Variants in CDK19 observed in about 807,000 individuals in gnomAD.
CDK19 encodes the protein cyclin dependent kinase 19, also known as cyclin-dependent kinase 19.
A neutral mutation model predicts 68.3 loss-of-function variants in CDK19; 20 were observed. The observed-to-expected ratio is 0.29, with a 90% CI of 0.21 to 0.43. The LOEUF (loss-of-function observed/expected upper bound fraction) is 0.43. Ranked by LOEUF, CDK19 falls within the 20% of genes least tolerant of loss-of-function variation. The pLI is 1.00. For synonymous variants in CDK19, 221 were observed against 222.8 expected (o/e 0.99, Z 0.07); for missense variants, 339 against 623.5 (o/e 0.54, Z 4.86).
chr6:110,646,034 C>A, intron 4 of CDK19: 4 of 933,504 alleles, frequency 4.3e-6, no homozygotes, highest in South Asian at 4.2e-5. Flanking sequence ...ACCTGCGTGC[C>A]ATCTACGAAG....
At chr6:110,783,463 C>T (rs930222632) in intron 1 of CDK19, among the ~76,000 whole-genome samples, 3 of 151,888 alleles carry the variant, frequency 2.0e-5, no homozygotes, top group African/African-American at 7.3e-5. Context: ...CATGATGAAA[C>T]TCCATCTCTA....
intron 1 of CDK19, among the ~76,000 whole-genome samples, chr6:110,763,521 T>C (rs532750597): frequency 1.3e-5 from 2 of 149,880 alleles, no homozygotes; most frequent in African/African-American, 4.9e-5. Flanking sequence ...GTTCAAGCAA[T>C]TCTCCTGCCT....
intron 4 of CDK19, chr6:110,643,230 T>A (rs1463546978): frequency 1.6e-6 from 2 of 1,276,154 alleles, no homozygotes; most frequent in Admixed American, 2.3e-5. Flanking sequence ...ATTTTCCAGC[T>A]AAAAGACACA....
At chr6:110,770,287 G>A (rs1445494679) in intron 1 of CDK19, among the ~76,000 whole-genome samples, 1 of 147,060 alleles carries the variant, frequency 6.8e-6, no homozygotes, top group East Asian at 2.2e-4. Context: ...ACCCGAGATT[G>A]GGAAGAAAAA....
intron 1 of CDK19, among the ~76,000 whole-genome samples, chr6:110,805,683 T>C (rs944696739): frequency 1.3e-5 from 2 of 151,906 alleles, no homozygotes; most frequent in African/African-American, 4.9e-5. Context: ...CAGTCAACTG[T>C]ACACAATTTA....
chr6:110,621,079 T>C lies in CDK19; in HGVS notation c.1377+25A>G, dbSNP rs759542048. ...TCTTTTCCCCACTTCATAAAGCATA[T>C]GAACATTAGACATTCAGGGAGTACC... On this transcript the variant is annotated intron_variant, in intron 12 of 12. Coordinates refer to ENST00000368911, the MANE Select transcript of CDK19 (RefSeq NM_015076.5). The surrounding 1 kb of genome is among the most constrained non-coding windows in gnomAD (Gnocchi z 5.4). 14 of 1,595,216 alleles carry C rather than the reference T, an allele frequency of 8.8e-6. No individual in the cohort carries two copies. Among genetic ancestry groups the C allele is most frequent in the Non-Finnish European group, 1.2e-5 (14 of 1,170,652 alleles).
intron 2 of CDK19, among the ~76,000 whole-genome samples, chr6:110,731,865 TA>T (rs1230933748): frequency 2.6e-5 from 4 of 152,108 alleles, no homozygotes; most frequent in African/African-American, 9.7e-5. Context: ...TATCTCTTCA[TA>T]AAGACAAATG....
intron 5 of CDK19, among the ~76,000 whole-genome samples, chr6:110,632,938 T>C (rs1196559395): frequency 6.6e-6 from 1 of 151,862 alleles, no homozygotes; most frequent in African/African-American, 2.4e-5. Context: ...AAACTGACTA[T>C]GGCCAGGCGC....
At chr6:110,631,556 G>A (rs1223915671) in intron 6 of CDK19, among the ~76,000 whole-genome samples, 1 of 152,168 alleles carries the variant, frequency 6.6e-6, no homozygotes, top group Non-Finnish European at 1.5e-5. Context: ...TGGAGAAACT[G>A]CCATTCTCAT....
At position 110,749,300 on chromosome 6, in the gene CDK19, T is replaced by A. The variant is rs1778295012; in HGVS notation, c.129-3099A>T. On this transcript the variant is annotated intron_variant, in intron 1 of 12. Coordinates refer to ENST00000368911, the MANE Select transcript of CDK19 (RefSeq NM_015076.5). Reference sequence around the variant, plus strand: ...CACAATGAAAAACAATTGTTTGATGTGAACATTACGTAACAAAATAGAACA... The same window carrying A: ...CACAATGAAAAACAATTGTTTGATGAGAACATTACGTAACAAAATAGAACA... Among the ~76,000 whole-genome samples the A allele has an allele frequency of 2.6e-5, 4 of 152,196 alleles. 1 individual carries two copies. The South Asian group carries it at 8.3e-4, about 31-fold the overall frequency.
At chr6:110,799,573 A>T (rs912098347) in intron 1 of CDK19, among the ~76,000 whole-genome samples, 6 of 151,904 alleles carry the variant, frequency 3.9e-5, no homozygotes, top group Admixed American at 6.6e-5. Context: ...GTTTATTTGC[A>T]TTATTTTTTA....
At chr6:110,753,523 T>C (rs1778619666) in intron 1 of CDK19, among the ~76,000 whole-genome samples, 1 of 150,480 alleles carries the variant, frequency 6.6e-6, no homozygotes, top group Admixed American at 6.6e-5. Flanking sequence ...GCTGAGGCTA[T>C]AGGTGTGCAC....
intron 4 of CDK19, among the ~76,000 whole-genome samples, chr6:110,657,712 T>C (rs992793404): frequency 1.3e-5 from 2 of 152,194 alleles, no homozygotes; most frequent in African/African-American, 4.8e-5. Context: ...TGGTAAATAG[T>C]CTTCTTAATA....
intron 5 of CDK19, among the ~76,000 whole-genome samples, chr6:110,637,652 A>T (rs1192178958): frequency 6.6e-6 from 1 of 152,244 alleles, no homozygotes; most frequent in African/African-American, 2.4e-5. Flanking sequence ...TCTAAAAAGC[A>T]TTCAACTTTC....
At chr6:110,730,716 T>C (rs1216883528) in intron 2 of CDK19, among the ~76,000 whole-genome samples, 1 of 152,198 alleles carries the variant, frequency 6.6e-6, no homozygotes, top group Non-Finnish European at 1.5e-5. Flanking sequence ...AAGTGTCACC[T>C]TTGGACCAGC....
intron 2 of CDK19, among the ~76,000 whole-genome samples, chr6:110,677,884 T>C (rs1771666051): frequency 6.6e-6 from 1 of 152,158 alleles, no homozygotes; most frequent in South Asian, 2.1e-4. Context: ...AGATCTCACT[T>C]TGTCTCCTAG....
intron 1 of CDK19, among the ~76,000 whole-genome samples, chr6:110,759,426 A>ATACATATAT (rs1401012805): frequency 3.2e-5 from 3 of 92,716 alleles, no homozygotes; most frequent in African/African-American, 1.5e-4. Context: ...AAAAAAAAAA[A>ATACATATAT]AAATATATAT....
intron 2 of CDK19, among the ~76,000 whole-genome samples, chr6:110,688,578 A>C (rs1342672828): frequency 7.2e-5 from 11 of 152,108 alleles, no homozygotes; most frequent in Non-Finnish European, 1.5e-4. Flanking sequence ...AAGTCTCCTG[A>C]GTGTGAGAAG....
chr6:110,651,098 T>C (rs925606420), intron 4 of CDK19, among the ~76,000 whole-genome samples: 6 of 151,796 alleles, frequency 4.0e-5, no homozygotes, highest in Non-Finnish European at 4.4e-5. Context: ...AGGCAAAGGG[T>C]TGGGAAGGGG....
Sources: allele counts gnomAD v4.1 joint callset (sites outside exome capture counted in the v4.1 genomes callset), GRCh38; gene constraint gnomAD v4.1.1; non-coding constraint Gnocchi (gnomAD v3.1); transcripts MANE v1.5; gene names NCBI Gene and HGNC (gene_info 2026-07-23, HGNC 2026-07-21).